The following RMDN2 variants were observed in gnomAD, a reference collection of about 807,000 sequenced individuals.
RMDN2 encodes regulator of microtubule dynamics 2, also known as regulator of microtubule dynamics protein 2.
A neutral mutation model predicts 52.8 loss-of-function variants in RMDN2; 61 were observed. The ratio of observed to expected loss-of-function variants is 1.16; its 90% CI spans 0.94 to 1.43. The LOEUF (loss-of-function observed/expected upper bound fraction) is 1.43. Ranked by LOEUF, RMDN2 falls within the 40% of genes most tolerant of loss-of-function variation. The probability of loss-of-function intolerance (pLI) is 0.00; values close to 1 mark genes in which losing one functional copy is unlikely to be tolerated. For missense variants in RMDN2, 592 were observed against 475.3 expected (o/e 1.25, Z -2.28); for synonymous variants, 180 against 153.1 (o/e 1.18, Z -1.30).
intron 10 of RMDN2, among the ~76,000 whole-genome samples, chr2:38,007,744 C>G (rs1677326034): frequency 6.6e-6 from 1 of 152,044 alleles, no homozygotes; most frequent in South Asian, 2.1e-4. Flanking sequence ...TTGCCTTCTG[C>G]TAGCTTTTGA....
At chr2:38,062,695 C>A (rs938791350) in intron 10 of RMDN2, among the ~76,000 whole-genome samples, 10 of 151,740 alleles carry the variant, frequency 6.6e-5, no homozygotes, top group South Asian at 2.1e-4. Context: ...TATACATGTA[C>A]CATGTTGGTG....
intron 10 of RMDN2, among the ~76,000 whole-genome samples, chr2:38,005,321 G>T (rs866760747): frequency 6.8e-6 from 1 of 147,292 alleles, no homozygotes; most frequent in Non-Finnish European, 1.5e-5. Flanking sequence ...CCCACCAACA[G>T]TGTAAAAGTG....
intron 10 of RMDN2, among the ~76,000 whole-genome samples, chr2:38,009,934 G>A (rs1005989035): frequency 6.6e-6 from 1 of 152,150 alleles, no homozygotes; most frequent in African/African-American, 2.4e-5. Context: ...CTAACAGTCA[G>A]GACCCTCAGC....
intron 10 of RMDN2, among the ~76,000 whole-genome samples, chr2:38,052,306 G>T (rs190859295): frequency 2.0e-5 from 3 of 152,076 alleles, no homozygotes; most frequent in Admixed American, 6.6e-5. Context: ...ATACCTGTTG[G>T]CCATTTGTGT....
chr2:37,968,515 C>A (rs971242677), intron 2 of RMDN2, among the ~76,000 whole-genome samples: 1 of 149,750 alleles, frequency 6.7e-6, no homozygotes, highest in African/African-American at 2.5e-5. Flanking sequence ...GGACCTATTT[C>A]AATGTAACTC....
chr2:38,040,672 T>A (rs1291884307), intron 10 of RMDN2, among the ~76,000 whole-genome samples: 1 of 152,206 alleles, frequency 6.6e-6, no homozygotes, highest in Non-Finnish European at 1.5e-5. Flanking sequence ...GTTCTTAACA[T>A]CATTCTTCAG....
At position 37,929,339 on chromosome 2, in the gene RMDN2, G is replaced by A. The variant is rs1268236462; in HGVS notation, c.62G>A (p.Ser21Asn). ...LGIMVGTAGI[S>N]LLLLWYHKVR... ...ATCATGGTGGGCACTGCTGGAATCAGCTTGCTGCTCTTGTGGTACCACAAG... is the reference window on the plus strand; with the variant it reads ...ATCATGGTGGGCACTGCTGGAATCAACTTGCTGCTCTTGTGGTACCACAAG... Residue 21 changes from serine to asparagine, a missense_variant, in exon 2 of 11, where the codon AGC becomes AAC. Coordinates refer to ENST00000354545, the MANE Select transcript of RMDN2 (RefSeq NM_001170791.3). The A allele has an allele frequency of 6.4e-7, 1 of 1,551,916 alleles. No individual in the cohort carries two copies. Among genetic ancestry groups the A allele is most frequent in the Admixed American group, 2.0e-5 (1 of 51,002 alleles).
In RMDN2 at chr2:37,929,668, C is replaced by T; in HGVS notation, c.391C>T (p.Leu131Phe). ...SPQHRARKRR[L>F]PTIQSSATSN... ...TCAGCACAGAGCGAGAAAAAGAAGA[C>T]TCCCCACAATTCAAAGTTCAGCAAC... is the stretch of plus-strand genomic sequence containing the variant. The change falls in exon 2 of 11, where the codon CTC (leucine) becomes TTC (phenylalanine). Residue 131 changes from leucine (L) to phenylalanine (F), a missense_variant. Physicochemically the swap from Leu to Phe is conservative, Grantham distance 22. Transcript: ENST00000354545. 1 of 1,537,008 alleles carries T rather than the reference C, an allele frequency of 6.5e-7. No individual in the cohort carries two copies.
At chr2:38,067,063 GT>G in exon 11 of RMDN2, 1 of 1,454,464 alleles carries the variant, frequency 6.9e-7, no homozygotes, top group Non-Finnish European at 9.7e-7. Context: ...GGCCTGGAGA[GT>G]CATGACCTAG....
intron 8 of RMDN2, among the ~76,000 whole-genome samples, chr2:38,001,716 A>C (rs1676346065): frequency 6.6e-6 from 1 of 152,238 alleles, no homozygotes; most frequent in African/African-American, 2.4e-5. Context: ...AATTGAATAA[A>C]GTTCAGTCTT....
chr2:38,005,638 C>G (rs1186328660), intron 10 of RMDN2, among the ~76,000 whole-genome samples: 2 of 152,108 alleles, frequency 1.3e-5, no homozygotes, highest in East Asian at 3.8e-4. Flanking sequence ...AAAATTTTCT[C>G]CCATTCTGTA....
intron 2 of RMDN2, among the ~76,000 whole-genome samples, chr2:37,937,106 A>G (rs1020973878): frequency 6.6e-6 from 1 of 151,676 alleles, no homozygotes; most frequent in African/African-American, 2.4e-5. Flanking sequence ...GTCCAGTTTC[A>G]GTTTTTTTTT....
At chr2:37,963,015 C>G (rs563928356) in intron 2 of RMDN2, 30 of 152,840 alleles carry the variant, frequency 2.0e-4, no homozygotes, top group African/African-American at 7.2e-4. Flanking sequence ...TTGGCTCGCC[C>G]TATGTGGGCT....
chr2:37,961,591 A>G (rs1322939343), intron 2 of RMDN2, among the ~76,000 whole-genome samples: 2 of 151,928 alleles, frequency 1.3e-5, no homozygotes, highest in Non-Finnish European at 2.9e-5. Flanking sequence ...CAATTCCTGT[A>G]ATCTTTTATC....
chr2:37,941,288 G>A (rs1294272340), intron 2 of RMDN2, among the ~76,000 whole-genome samples: 3 of 152,102 alleles, frequency 2.0e-5, no homozygotes, highest in Admixed American at 6.5e-5. Flanking sequence ...GAGGGCACCC[G>A]CCAGATGTCG....
At chr2:37,956,411 T>A (rs924314883) in intron 2 of RMDN2, among the ~76,000 whole-genome samples, 24 of 152,146 alleles carry the variant, frequency 1.6e-4, no homozygotes, top group African/African-American at 5.6e-4. Context: ...CATTTCTGAT[T>A]GTATTTATTT....
intron 2 of RMDN2, among the ~76,000 whole-genome samples, chr2:37,973,762 C>CCGAGGT (rs1672101763): frequency 6.6e-6 from 1 of 151,942 alleles, no homozygotes; most frequent in African/African-American, 2.4e-5. Flanking sequence ...CCGAGGTAGG[C>CCGAGGT]ACGTGATTAG....
chr2:38,058,713 C>T (rs1490271428), intron 10 of RMDN2, among the ~76,000 whole-genome samples: 1 of 152,114 alleles, frequency 6.6e-6, no homozygotes, highest in Non-Finnish European at 1.5e-5. Flanking sequence ...AGGTTATGGG[C>T]AGTTTTCTGT....
chr2:38,004,931 G>A (rs750523999), intron 10 of RMDN2, among the ~76,000 whole-genome samples: 5 of 151,408 alleles, frequency 3.3e-5, no homozygotes, highest in Admixed American at 2.0e-4. Context: ...TCCCACCTAT[G>A]AGTGACAACA....
Sources: allele counts gnomAD v4.1 joint callset (sites outside exome capture counted in the v4.1 genomes callset), GRCh38; gene constraint gnomAD v4.1.1; transcripts MANE v1.5; gene names NCBI Gene and HGNC (gene_info 2026-07-23, HGNC 2026-07-21).